MUC13: variants seen among roughly 807,000 people sequenced by gnomAD.
MUC13 encodes mucin-13.
MUC13 carries 32 observed loss-of-function variants against 48.3 expected under a neutral mutation model. The ratio of observed to expected loss-of-function variants is 0.66; its 90% CI spans 0.50 to 0.89. The LOEUF (loss-of-function observed/expected upper bound fraction) is 0.89. Among genes scored for constraint, MUC13 ranks in the 40% least tolerant of loss-of-function variants. The pLI is 0.00. For synonymous variants in MUC13, 199 were observed against 224.9 expected, an observed-to-expected ratio of 0.88 and a Z score of 1.03; for missense variants, 571 against 622.8, an observed-to-expected ratio of 0.92 and a Z score of 0.88.
rs771492391 is a variant in MUC13 at position 124,922,185 on chromosome 3, G to C, written c.744+12C>G. 3 of 1,613,506 alleles carry C rather than the reference G, an allele frequency of 1.9e-6. No homozygotes were observed. In the African/African-American group the frequency reaches 4.0e-5, roughly 22 times the overall value. On this transcript the variant is annotated intron_variant, in intron 4 of 11. Coordinates refer to ENST00000616727, the MANE Select transcript of MUC13 (RefSeq NM_033049.4). Reference sequence around the variant, plus strand: ...GAATGCTTTACAGAAAGGAAAGTTGGAAAATACTTACCAAGCTAGTAATTT... The same window carrying C: ...GAATGCTTTACAGAAAGGAAAGTTGCAAAATACTTACCAAGCTAGTAATTT...
intron 10 of MUC13, among the ~76,000 whole-genome samples, 191 bp from the exon 11 acceptor site, chr3:124,908,539 C>G (rs929059255): frequency 6.6e-6 from 1 of 152,102 alleles, no homozygotes; most frequent in African/African-American, 2.4e-5. Context: ...CATTTCTGAA[C>G]CAATTAAGAA....
chr3:124,926,018 A>G (rs2332924), intron 2 of MUC13, among the ~76,000 whole-genome samples: 34,207 of 152,146 alleles, frequency 0.22, 3,931 homozygotes, highest in South Asian at 0.3. Context: ...CCTCTGACAA[A>G]GTATGAACCA....
intron 9 of MUC13, among the ~76,000 whole-genome samples, chr3:124,911,135 A>G (rs7644144): frequency 0.97 from 147,547 of 152,340 alleles, 71,594 homozygotes; most frequent in East Asian, 1. Flanking sequence ...TTGGATATAT[A>G]GATTAAATAA....
chr3:124,932,292 G>A (rs1052467400), intron 1 of MUC13, among the ~76,000 whole-genome samples: 3 of 152,068 alleles, frequency 2.0e-5, no homozygotes, highest in Non-Finnish European at 4.4e-5. Context: ...CAGGCTGGGC[G>A]TGGTGGCTCA....
At chr3:124,914,277 G>GCT in intron 6 of MUC13, among the ~76,000 whole-genome samples, 1 of 152,254 alleles carries the variant, frequency 6.6e-6, no homozygotes, top group African/African-American at 2.4e-5. Context: ...GGGTGTGGTG[G>GCT]CATGTGCCTG....
At position 124,908,218 on chromosome 3, in the gene MUC13, T is replaced by C. The variant is rs769646418; in HGVS notation, c.1468A>G (p.Thr490Ala). Residue 490 changes from threonine to alanine, a missense_variant, in exon 11 of 12, where the codon ACG (threonine) becomes GCG (alanine). By Grantham distance (58) the Thr-to-Ala change is moderately conservative. Transcript: ENST00000616727. Reference protein sequence around the residue: ...EGSVFPKVRITASRDSQMQNP... With the variant: ...EGSVFPKVRIAASRDSQMQNP... ...TGCATCTGGCTGTCTCTGGAGGCCGTTATCCTGACCTTAGGAAAGACGCTC... is the reference window on the plus strand; with the variant it reads ...TGCATCTGGCTGTCTCTGGAGGCCGCTATCCTGACCTTAGGAAAGACGCTC... 71 of 1,614,034 alleles carry C rather than the reference T, an allele frequency of 4.4e-5. No homozygotes were observed. Among genetic ancestry groups the C allele is most frequent in the Non-Finnish European group, 5.7e-5 (67 of 1,180,048 alleles).
chr3:124,921,414 G>A (rs370722690), intron 4 of MUC13, among the ~76,000 whole-genome samples: 1 of 152,114 alleles, frequency 6.6e-6, no homozygotes, highest in African/African-American at 2.4e-5. Flanking sequence ...TCCTCCCAAA[G>A]TGCTAGGATT....
chr3:124,910,790 C>T (rs776498045), intron 9 of MUC13, among the ~76,000 whole-genome samples: 5 of 152,198 alleles, frequency 3.3e-5, no homozygotes, highest in Non-Finnish European at 5.9e-5. Flanking sequence ...AGTGGAGTAT[C>T]AGCTGAGGGC....
chr3:124,917,157 C>T (rs1935523740), intron 5 of MUC13, among the ~76,000 whole-genome samples: 3 of 152,066 alleles, frequency 2.0e-5, no homozygotes, highest in Non-Finnish European at 4.4e-5. Context: ...ATCAGCACTG[C>T]AGTTCGGAGC....
intron 2 of MUC13, among the ~76,000 whole-genome samples, chr3:124,924,350 G>A (rs1442263443): frequency 6.6e-6 from 1 of 152,206 alleles, no homozygotes; most frequent in Non-Finnish European, 1.5e-5. Flanking sequence ...TTTCTCTGGG[G>A]AACTGATGAG....
intron 10 of MUC13, among the ~76,000 whole-genome samples, chr3:124,909,528 G>C (rs1935380892): frequency 6.6e-6 from 1 of 151,008 alleles, no homozygotes; most frequent in Non-Finnish European, 1.5e-5. Flanking sequence ...ATGTGAGACA[G>C]GGTCTTGCTC....
intron 8 of MUC13, 119 bp downstream of exon 8, chr3:124,912,992 C>A: frequency 1.0e-6 from 1 of 973,504 alleles, no homozygotes; most frequent in South Asian, 2.1e-5. Context: ...GATGCTGTCT[C>A]TACCAACCTA....
In MUC13 at chr3:124,932,420, G is replaced by A. The variant is rs150916541; in HGVS notation, c.52+2241C>T. 2.0e-3 allele frequency among the ~76,000 whole-genome samples: 301 copies of A among 152,144 alleles called. 2 individuals carry two copies. Among genetic ancestry groups the A allele is most frequent in the African/African-American group, 7.1e-3 (293 of 41,506 alleles). ...ATCTCTACTAAAAATACAAAAATTA[G>A]CCAGGTGTGGTGGCAGGTGCCTGTA... On this transcript the variant is annotated intron_variant, in intron 1 of 11. Transcript: ENST00000616727.
At chr3:124,925,954 A>C (rs1333646536) in intron 2 of MUC13, among the ~76,000 whole-genome samples, 1 of 152,182 alleles carries the variant, frequency 6.6e-6, no homozygotes, top group Non-Finnish European at 1.5e-5. Flanking sequence ...AATAGACTAT[A>C]TGGGATAAAA....
rs1176077340 is a variant in MUC13 at position 124,913,762 on chromosome 3, T to C, written c.965-81A>G. ...ATTTGTGAAAATTACCCCACCCCAT[T>C]GCTGTTATACTTTGCCTTTTAATAA... On this transcript the variant is annotated intron_variant, in intron 6 of 11. Transcript: ENST00000616727. 15 of 1,542,878 alleles carry C rather than the reference T, an allele frequency of 9.7e-6. No homozygotes were observed. In the East Asian group the frequency reaches 3.4e-4, roughly 35 times the overall value.
Position 124,923,763 on chromosome 3 carries a change from G to A in MUC13, c.515-114C>T, listed in dbSNP as rs565536073. On this transcript the variant is annotated intron_variant, in intron 2 of 11. Transcript: ENST00000616727. ...CCTGGGCCCTTTCCATTCCTTGCTT[G>A]TGTTACTCCACAGCACACTTTTGGA... is the stretch of plus-strand genomic sequence containing the variant. The A allele has an allele frequency of 2.6e-5, 26 of 997,822 alleles. No homozygotes were observed. The African/African-American group carries it at 4.1e-4, about 16-fold the overall frequency. The allele number at this position is 997,822 out of a possible 1,614,324, so 61.8% of individuals were successfully genotyped here.
intron 9 of MUC13, among the ~76,000 whole-genome samples, chr3:124,911,665 C>T (rs1310912558): frequency 6.6e-6 from 1 of 152,078 alleles, no homozygotes; most frequent in Admixed American, 6.6e-5. Context: ...CAAAATATCC[C>T]AAACCAGTAA....
At chr3:124,917,437 C>T (rs1295168735) in intron 5 of MUC13, among the ~76,000 whole-genome samples, 3 of 151,174 alleles carry the variant, frequency 2.0e-5, no homozygotes, top group Admixed American at 1.3e-4. Flanking sequence ...GCCTAGACCT[C>T]CTGGGCTCAG....
At chr3:124,914,626 G>T (rs909767250) in intron 6 of MUC13, among the ~76,000 whole-genome samples, 1 of 152,090 alleles carries the variant, frequency 6.6e-6, no homozygotes, top group Non-Finnish European at 1.5e-5. Context: ...TGAAGCCGGA[G>T]AACAGGAAAG....
Sources: allele counts gnomAD v4.1 joint callset (sites outside exome capture counted in the v4.1 genomes callset), GRCh38; gene constraint gnomAD v4.1.1; transcripts MANE v1.5; gene names NCBI Gene and HGNC (gene_info 2026-07-23, HGNC 2026-07-21).